The following C4orf54 variants were observed in gnomAD, a reference collection of about 807,000 sequenced individuals.
The protein encoded by C4orf54 is uncharacterized protein C4orf54.
C4orf54 carries 67 observed loss-of-function variants against 80.1 expected under a neutral mutation model. The ratio of observed to expected loss-of-function variants is 0.84; its 90% CI spans 0.69 to 1.03. The LOEUF is 1.03. Ranked by LOEUF, C4orf54 falls within the 50% of genes least tolerant of loss-of-function variation. The probability of loss-of-function intolerance (pLI) is 0.00; values close to 1 mark genes in which losing one functional copy is unlikely to be tolerated. For synonymous variants in C4orf54, 1,000 were observed against 917.0 expected (o/e 1.09, Z -1.64); for missense variants, 2,434 against 2,253.5 (o/e 1.08, Z -1.62).
Position 99,651,652 on chromosome 4 carries a change from G to A in C4orf54, c.2997C>T (p.Pro999=). 6.5e-7 allele frequency: 1 copy of A among 1,536,080 alleles called. No individual in the cohort carries two copies. Among genetic ancestry groups the A allele is most frequent in the Non-Finnish European group, 8.7e-7 (1 of 1,146,892 alleles). The change falls in exon 2 of 3, where the codon CCC becomes CCT. Residue 999 remains proline (P), a synonymous_variant. Coordinates refer to ENST00000511828, the MANE Select transcript of C4orf54 (RefSeq NM_001354435.2). ...RLFVPNIQQT[P]KDKQPRKQAT... Reference sequence around the variant, plus strand: ...CCTGCTTCCTCGGCTGCTTGTCCTTGGGTGTCTGCTGGATGTTGGGGACAA... The same window carrying A: ...CCTGCTTCCTCGGCTGCTTGTCCTTAGGTGTCTGCTGGATGTTGGGGACAA...
chr4:99,652,474 C>G lies in C4orf54; in HGVS notation c.2175G>C (p.Glu725Asp). The change falls in exon 2 of 3, where the codon GAG (glutamate) becomes GAC (aspartate). Residue 725 changes from glutamate to aspartate, a missense_variant. Physicochemically the swap from Glu to Asp is conservative, Grantham distance 45. Coordinates refer to ENST00000511828, the MANE Select transcript of C4orf54 (RefSeq NM_001354435.2). Reference sequence around the variant, plus strand: ...GCGTCTCCACATGTTTGATTTCCCCCTCGACTTTGCTGACCACGAACTCCA... The same window carrying G: ...GCGTCTCCACATGTTTGATTTCCCCGTCGACTTTGCTGACCACGAACTCCA... ...KALEFVVSKV[E>D]GEIKHVETPL... 1.3e-6 allele frequency: 2 copies of G among 1,535,828 alleles called. No homozygotes were observed. Among genetic ancestry groups the G allele is most frequent in the Non-Finnish European group, 1.7e-6 (2 of 1,146,718 alleles).
rs190936357 is a variant in C4orf54 at position 99,654,187 on chromosome 4, C to G, written c.462G>C (p.Ser154=). The G allele has an allele frequency of 3.2e-5, 49 of 1,536,196 alleles. No individual in the cohort carries two copies. The African/African-American group carries it at 5.7e-4, about 18-fold the overall frequency. ...IMEAAPPELN[S]KARQAEVGDG... ...CCCCCACCTCCGCCTGTCTTGCTTT[C>G]GAATTCAGCTCAGGAGGGGCAGCTT... Residue 154 remains serine, a synonymous_variant, in exon 2 of 3, where the codon TCG becomes TCC. Transcript: ENST00000511828.
intron 1 of C4orf54, among the ~76,000 whole-genome samples, chr4:99,655,583 C>G (rs1391633497): frequency 2.0e-5 from 3 of 152,154 alleles, no homozygotes; most frequent in Admixed American, 2.0e-4. Flanking sequence ...CTGGCATGCC[C>G]CATGGAAACG....
intron 1 of C4orf54, among the ~76,000 whole-genome samples, chr4:99,655,163 C>G (rs1388381088): frequency 2.6e-5 from 4 of 152,190 alleles, no homozygotes; most frequent in Non-Finnish European, 4.4e-5. Flanking sequence ...CAAAGTTACA[C>G]TCTATGAAAC....
At position 99,650,029 on chromosome 4, in the gene C4orf54, C is replaced by T; in HGVS notation, c.4620G>A (p.Arg1540=). Residue 1540 remains arginine (R), a synonymous_variant, in exon 2 of 3, where the codon CGG becomes CGA. Coordinates refer to ENST00000511828, the MANE Select transcript of C4orf54 (RefSeq NM_001354435.2). ...PAWRTKPDNP[R]ETVAAPPGPQ... is the part of the protein sequence containing the mutation. Reference sequence around the variant, plus strand: ...GCCCTGGGGGGGCAGCTACTGTCTCCCGGGGGTTGTCAGGTTTGGTACGCC... The same window carrying T: ...GCCCTGGGGGGGCAGCTACTGTCTCTCGGGGGTTGTCAGGTTTGGTACGCC... 1 of 1,535,668 alleles carries T rather than the reference C, an allele frequency of 6.5e-7. No homozygotes were observed. The highest frequency in any genetic ancestry group is 8.7e-7 in the Non-Finnish European group (1 of 1,146,728).
chr4:99,639,126 T>C lies in C4orf54; in HGVS notation c.*2107A>G, dbSNP rs1726561367. ...GTTGTCTCTCTTTTGGAAGAGTTGG[T>C]GAGCAGTCACTACTCAACATGGCCA... On this transcript the variant is annotated 3_prime_UTR_variant, in exon 3 of 3. Transcript: ENST00000511828. 1 of 152,138 alleles carries C rather than the reference T, an allele frequency of 6.6e-6. No homozygotes were observed. Among genetic ancestry groups the C allele is most frequent in the African/African-American group, 2.4e-5 (1 of 41,448 alleles). 9.4% of individuals were successfully genotyped at this position (152,138 alleles called of 1,614,324 possible). A position where few individuals can be genotyped will look rare whatever the true frequency, so the allele number is the denominator to read the frequency against.
chr4:99,643,330 A>G (rs946694353), intron 2 of C4orf54, among the ~76,000 whole-genome samples: 2 of 152,206 alleles, frequency 1.3e-5, no homozygotes, highest in Non-Finnish European at 2.9e-5. Flanking sequence ...CTACACTGTG[A>G]CTAGTAAGTA....
chr4:99,644,485 A>G (rs1726664850), intron 2 of C4orf54, among the ~76,000 whole-genome samples: 1 of 152,216 alleles, frequency 6.6e-6, no homozygotes, highest in Non-Finnish European at 1.5e-5. Flanking sequence ...TAATTGGGAG[A>G]GGAAGTCACT....
Position 99,650,063 on chromosome 4 carries a change from C to G in C4orf54, c.4586G>C (p.Arg1529Pro). Residue 1529 changes from arginine to proline, a missense_variant, in exon 2 of 3, where the codon CGA (arginine) becomes CCA (proline). Physicochemically the swap from Arg to Pro is moderately radical, Grantham distance 103. Coordinates refer to ENST00000511828, the MANE Select transcript of C4orf54 (RefSeq NM_001354435.2). The stretch of plus-strand genomic sequence containing the variant: ...GTCAGGTTTGGTACGCCAAGCTGGT[C>G]GGCTGGTTCCACTAACCTGAGAGCC... Reference protein sequence around the residue: ...SKGSQVSGTSRPAWRTKPDNP... With the variant: ...SKGSQVSGTSPPAWRTKPDNP... 6.5e-7 allele frequency: 1 copy of G among 1,535,798 alleles called. No individual in the cohort carries two copies. Among genetic ancestry groups the G allele is most frequent in the Non-Finnish European group, 8.7e-7 (1 of 1,146,832 alleles).
In C4orf54 at chr4:99,654,620, CG is replaced by C. The variant is rs1560642490; in HGVS notation, c.28del (p.Arg10GlyfsTer75). On this transcript the variant is annotated frameshift_variant, in exon 2 of 3. Transcript: ENST00000511828. LOFTEE classifies it high-confidence loss of function. ...AGAAGCAGCATCTGTAGGTTGACCC[CG>C]GGACTTCCAGAAATGAAAGGAAAGC... MLSFHFWKS[R>X]GQPTDAASSV... 4.3e-6 allele frequency: 3 copies of C among 695,550 alleles called. No individual in the cohort carries two copies. In the South Asian group the frequency reaches 4.4e-5, roughly 10 times the overall value. 43.1% of individuals were successfully genotyped at this position (695,550 alleles called of 1,614,324 possible).
At chr4:99,645,630 A>C (rs1166788238) in intron 2 of C4orf54, among the ~76,000 whole-genome samples, 1 of 152,166 alleles carries the variant, frequency 6.6e-6, no homozygotes, top group African/African-American at 2.4e-5. Flanking sequence ...AGAGCATGTC[A>C]GGAAGGGAAA....
At position 99,653,372 on chromosome 4, in the gene C4orf54, TCCTCTTCGGTCAGACTG is replaced by T; in HGVS notation, c.1260_1276del (p.Ser421ArgfsTer49). 1 of 1,536,152 alleles carries T rather than the reference TCCTCTTCGGTCAGACTG, an allele frequency of 6.5e-7. No homozygotes were observed. Among genetic ancestry groups the T allele is most frequent in the Non-Finnish European group, 8.7e-7 (1 of 1,146,816 alleles). On this transcript the variant is annotated frameshift_variant, in exon 2 of 3. Transcript: ENST00000511828. LOFTEE classifies it high-confidence loss of function. ...GCTGAGGTAGCAGCTGTTGTCGTCG[TCCTCTTCGGTCAGACTG>T]GTGATGTCCCCTGGGGTCTCGTCGC...
chr4:99,651,283 G>T lies in C4orf54; in HGVS notation c.3366C>A (p.Gly1122=). 3.9e-6 allele frequency: 6 copies of T among 1,536,152 alleles called. No homozygotes were observed. The highest frequency in any genetic ancestry group is 5.2e-6 in the Non-Finnish European group (6 of 1,146,920). ...IKGSGDSSDK[G]SVTPEQGLTG... ...TCAGCCCCTGCTCTGGGGTAACACTGCCCTTGTCACTACTATCCCCTGACC... is the reference window on the plus strand; with the variant it reads ...TCAGCCCCTGCTCTGGGGTAACACTTCCCTTGTCACTACTATCCCCTGACC... Residue 1122 remains glycine (G), a synonymous_variant, in exon 2 of 3, where the codon GGC becomes GGA. Transcript: ENST00000511828.
chr4:99,656,483 T>G (rs1317186594), intron 1 of C4orf54, among the ~76,000 whole-genome samples: 1 of 152,116 alleles, frequency 6.6e-6, no homozygotes, highest in Non-Finnish European at 1.5e-5. Flanking sequence ...TTTCACCATA[T>G]TGGCAGGCTG....
rs989314478 is a variant in C4orf54, at chr4:99,653,688, C to T, written c.961G>A (p.Glu321Lys). The change falls in exon 2 of 3, where the codon GAA becomes AAA. Residue 321 changes from glutamate (E) to lysine (K), a missense_variant. Physicochemically the swap from Glu to Lys is moderately conservative, Grantham distance 56. Coordinates refer to ENST00000511828, the MANE Select transcript of C4orf54 (RefSeq NM_001354435.2). The stretch of plus-strand genomic sequence containing the variant: ...CCTCCTCCTGATATTTTCTCTCCTT[C>T]TCCTCCCACGGCCTGGCAACCTTCA... ...ESEGCQAVGG[E>K]GEKISGGGGG... 6.5e-7 allele frequency: 1 copy of T among 1,527,472 alleles called. No individual in the cohort carries two copies. The highest frequency in any genetic ancestry group is 1.4e-5 in the African/African-American group (1 of 72,904). The allele number at this position is 1,527,472 out of a possible 1,614,324, so 94.6% of individuals were successfully genotyped here.
rs1726784684 is a variant in C4orf54, at chr4:99,650,312, G to T, written c.4337C>A (p.Ala1446Glu). The T allele has an allele frequency of 6.5e-7, 1 of 1,535,976 alleles. No homozygotes were observed. The highest frequency in any genetic ancestry group is 1.4e-5 in the African/African-American group (1 of 73,014). The change falls in exon 2 of 3, where the codon GCA becomes GAA. Residue 1446 changes from alanine (A) to glutamate (E), a missense_variant. Ala to Glu is a moderately radical substitution (Grantham distance 107). Transcript: ENST00000511828. ...RSLKISPATR[A>E]PPDEVTNRKS... ...CCTGTTGGTCACCTCATCAGGAGGT[G>T]CCCGGGTGGCTGGAGAGATCTTGAG...
In C4orf54 at chr4:99,654,280, G is replaced by T; in HGVS notation, c.369C>A (p.Thr123=). 6.5e-7 allele frequency: 1 copy of T among 1,535,746 alleles called. No individual in the cohort carries two copies. Among genetic ancestry groups the T allele is most frequent in the African/African-American group, 1.4e-5 (1 of 73,162 alleles). ...TLQPLRGQRR[T]QDFPSDHHCL... is the part of the protein sequence containing the mutation. ...AATGGTGATCGCTGGGGAAGTCTTG[G>T]GTCCGTCTCTGGCCCCGGAGGGGCT... is the stretch of plus-strand genomic sequence containing the variant. The change falls in exon 2 of 3, where the codon ACC becomes ACA. Residue 123 remains threonine, a synonymous_variant. Transcript: ENST00000511828.
Position 99,649,944 on chromosome 4 carries a change from G to A in C4orf54, c.4705C>T (p.Leu1569=), listed in dbSNP as rs1017065190. ...AGGACCTGAGGCTGGGCCCCCTGTA[G>A]GGTGAAGGGCAGCGGCGGCTGGTGG... The part of the protein sequence containing the change: ...IYHQPPLPFT[L]QGAQPQVLCF... The change falls in exon 2 of 3, where the codon CTA becomes TTA. Residue 1569 remains leucine (L), a synonymous_variant. Coordinates refer to ENST00000511828, the MANE Select transcript of C4orf54 (RefSeq NM_001354435.2). The A allele has an allele frequency of 2.6e-5, 40 of 1,533,100 alleles. No homozygotes were observed. Among genetic ancestry groups the A allele is most frequent in the Non-Finnish European group, 3.1e-5 (36 of 1,144,732 alleles). 95.0% of individuals were successfully genotyped at this position (1,533,100 alleles called of 1,614,324 possible).
Position 99,638,299 on chromosome 4 carries a change from C to G in C4orf54, c.*2934G>C, listed in dbSNP as rs1726545927. Reference sequence around the variant, plus strand: ...ATCCTGAGGGCAACTTCATTGAGTACTTTTTAAAAACATACATTCTGGCGA... The same window carrying G: ...ATCCTGAGGGCAACTTCATTGAGTAGTTTTTAAAAACATACATTCTGGCGA... On this transcript the variant is annotated 3_prime_UTR_variant, in exon 3 of 3. Coordinates refer to ENST00000511828, the MANE Select transcript of C4orf54 (RefSeq NM_001354435.2). 2.6e-5 allele frequency: 4 copies of G among 152,098 alleles called. No homozygotes were observed. The highest frequency in any genetic ancestry group is 1.3e-4 in the Admixed American group (2 of 15,262). 9.4% of individuals were successfully genotyped at this position (152,098 alleles called of 1,614,324 possible).
Sources: gnomAD v4.1 joint callset for allele counts (sites outside exome capture counted in the v4.1 genomes callset) on GRCh38, gnomAD v4.1.1 for gene constraint, MANE v1.5 for transcripts, NCBI Gene and HGNC (gene_info 2026-07-23, HGNC 2026-07-21) for gene names.